The following SV2B variants were observed in gnomAD, a reference collection of about 807,000 sequenced individuals.
SV2B encodes the protein solute carrier family 22 member B2.
A neutral mutation model predicts 73.9 loss-of-function variants in SV2B; 41 were observed. That is an observed-to-expected ratio of 0.56 (90% CI 0.43 to 0.72). The LOEUF is 0.72. Ranked by LOEUF, SV2B falls within the 30% of genes least tolerant of loss-of-function variation. The pLI is 0.00. For missense variants in SV2B, 764 were observed against 857.8 expected, an observed-to-expected ratio of 0.89 and a Z score of 1.37; for synonymous variants, 314 against 314.2, an observed-to-expected ratio of 1.00 and a Z score of 0.01.
chr15:91,295,221 G>C lies in SV2B; in HGVS notation c.*2669G>C, dbSNP rs952757723. On this transcript the variant is annotated 3_prime_UTR_variant, in exon 13 of 13. Transcript: ENST00000394232. ...ATAGTTGCTTTCCATAGTCTCAACT[G>C]TATTGTGTCATCTCCTGATGCTGAT... 2.0e-5 allele frequency: 3 copies of C among 152,198 alleles called. No individual in the cohort carries two copies. The highest frequency in any genetic ancestry group is 2.9e-5 in the Non-Finnish European group (2 of 68,034). The allele number at this position is 152,198 out of a possible 1,614,324, so 9.4% of individuals were successfully genotyped here.
At chr15:91,246,065 CAAAAAA>C (rs5814471) in intron 2 of SV2B, among the ~76,000 whole-genome samples, 1 of 127,706 alleles carries the variant, frequency 7.8e-6, no homozygotes, top group Non-Finnish European at 1.7e-5. Flanking sequence ...TATGAGTTAG[CAAAAAA>C]AAAAAAAAAA....
Position 91,236,290 on chromosome 15 carries a change from A to G in SV2B, c.451+9576A>G, listed in dbSNP as rs2046777812. ...CAATTTGCTAATTATCAGAATAAACATATGTTATTTATTTATTTGTATTGA... is the reference window on the plus strand; with the variant it reads ...CAATTTGCTAATTATCAGAATAAACGTATGTTATTTATTTATTTGTATTGA... On this transcript the variant is annotated intron_variant, in intron 2 of 12. Coordinates refer to ENST00000394232, the MANE Select transcript of SV2B (RefSeq NM_001323032.3). The surrounding 1 kb of genome is among the most constrained non-coding windows in gnomAD (Gnocchi z 4.1). Among the ~76,000 whole-genome samples, 1 of 152,182 alleles carries G rather than the reference A, an allele frequency of 6.6e-6. No homozygotes were observed. The highest frequency in any genetic ancestry group is 1.5e-5 in the Non-Finnish European group (1 of 68,036).
chr15:91,134,842 T>C (rs2141166321), intron 1 of SV2B, among the ~76,000 whole-genome samples: 1 of 152,266 alleles, frequency 6.6e-6, no homozygotes, highest in East Asian at 1.9e-4. Flanking sequence ...TTTCTAGGCT[T>C]CCAGCAGGTG....
rs922096918 is a variant in SV2B, at chr15:91,110,067, T to A, written c.-392+9704T>A. ...GGTGGATAAAAGAGCTGTCCGTCAT[T>A]ACTCACATTACAAATCACGCTCACT... On this transcript the variant is annotated intron_variant, in intron 1 of 12. Coordinates refer to ENST00000394232, the MANE Select transcript of SV2B (RefSeq NM_001323032.3). This position sits in a 1 kb window ranked among gnomAD's most constrained non-coding sequence, Gnocchi z 5.4. Among the ~76,000 whole-genome samples, 4 of 152,172 alleles carry A rather than the reference T, an allele frequency of 2.6e-5. No homozygotes were observed. Among genetic ancestry groups the A allele is most frequent in the Admixed American group, 2.6e-4 (4 of 15,282 alleles).
intron 1 of SV2B, among the ~76,000 whole-genome samples, chr15:91,201,894 C>A (rs1400825083): frequency 1.3e-5 from 2 of 152,148 alleles, no homozygotes; most frequent in Non-Finnish European, 2.9e-5. Context: ...TTGTGCCTAG[C>A]CTCCCACTCC....
At chr15:91,144,168 C>T (rs1036042767) in intron 1 of SV2B, among the ~76,000 whole-genome samples, 1 of 152,204 alleles carries the variant, frequency 6.6e-6, no homozygotes, top group East Asian at 1.9e-4. Flanking sequence ...TGTTTATACA[C>T]CTGCAGGAAC....
rs28499520 is a variant in SV2B, at chr15:91,252,844, C to A, written c.784+324C>A. Among the ~76,000 whole-genome samples the A allele has an allele frequency of 3.5e-3, 537 of 152,166 alleles. No homozygotes were observed. The highest frequency in any genetic ancestry group is 0.012 in the African/African-American group (497 of 41,496). On this transcript the variant is annotated intron_variant, in intron 4 of 12. Coordinates refer to ENST00000394232, the MANE Select transcript of SV2B (RefSeq NM_001323032.3). The surrounding 1 kb of genome is among the most constrained non-coding windows in gnomAD (Gnocchi z 4.6). Reference sequence around the variant, plus strand: ...CTTCATCTCCTCCAGCCCTCCTCCCCCTGAGCAACTTGGGCTTTGGTAACC... The same window carrying A: ...CTTCATCTCCTCCAGCCCTCCTCCCACTGAGCAACTTGGGCTTTGGTAACC...
intron 1 of SV2B, among the ~76,000 whole-genome samples, chr15:91,196,905 A>C (rs1261071579): frequency 6.6e-6 from 1 of 152,222 alleles, no homozygotes; most frequent in Admixed American, 6.5e-5. Context: ...GGTGATAATC[A>C]TGATGGCTGC....
At chr15:91,125,813 A>AAATTAG (rs1241327664) in intron 1 of SV2B, among the ~76,000 whole-genome samples, 5 of 151,300 alleles carry the variant, frequency 3.3e-5, no homozygotes, top group Non-Finnish European at 4.4e-5. Context: ...CAGTCATTTA[A>AAATTAG]AATTAGGGCA....
intron 1 of SV2B, among the ~76,000 whole-genome samples, chr15:91,210,787 C>T (rs890605476): frequency 7.9e-5 from 12 of 152,232 alleles, no homozygotes; most frequent in African/African-American, 2.2e-4. Context: ...AAGGTTCAAA[C>T]GAACCAGAAG....
At chr15:91,175,474 T>G (rs935926086) in intron 1 of SV2B, among the ~76,000 whole-genome samples, 1 of 152,088 alleles carries the variant, frequency 6.6e-6, no homozygotes, top group African/African-American at 2.4e-5. Flanking sequence ...CAGGATGGTC[T>G]CGATCTCCTG....
chr15:91,249,421 T>G (rs553481788), intron 2 of SV2B, among the ~76,000 whole-genome samples: 27 of 152,340 alleles, frequency 1.8e-4, no homozygotes, highest in African/African-American at 5.5e-4. Flanking sequence ...TAGATAATCA[T>G]ACATTTTATT....
chr15:91,188,516 C>T (rs572190236), intron 1 of SV2B, among the ~76,000 whole-genome samples: 25 of 152,024 alleles, frequency 1.6e-4, no homozygotes, highest in African/African-American at 5.5e-4. Context: ...GGGGTTTCAT[C>T]GTGTTGGCCA....
At position 91,240,447 on chromosome 15, in the gene SV2B, C is replaced by T. The variant is rs1003645947; in HGVS notation, c.452-11372C>T. 6.6e-6 allele frequency among the ~76,000 whole-genome samples: 1 copy of T among 152,072 alleles called. No individual in the cohort carries two copies. The highest frequency in any genetic ancestry group is 6.5e-5 in the Admixed American group (1 of 15,272). ...AGCTCCTTAAAAGAGTCAACTTACT[C>T]ACGGGCTTGTTTACTGATGAACAAG... On this transcript the variant is annotated intron_variant, in intron 2 of 12. Transcript: ENST00000394232. This position sits in a 1 kb window ranked among gnomAD's most constrained non-coding sequence, Gnocchi z 4.6.
At chr15:91,119,450 C>A (rs961918092) in intron 1 of SV2B, among the ~76,000 whole-genome samples, 3 of 152,170 alleles carry the variant, frequency 2.0e-5, no homozygotes, top group Non-Finnish European at 2.9e-5. Context: ...GATACAATAC[C>A]CAGAGTGCGA....
chr15:91,222,197 CA>C (rs2046242452), intron 1 of SV2B, among the ~76,000 whole-genome samples: 1 of 152,138 alleles, frequency 6.6e-6, no homozygotes, highest in Non-Finnish European at 1.5e-5. Flanking sequence ...CCTTGGAGAA[CA>C]AATATTTGTG....
intron 1 of SV2B, among the ~76,000 whole-genome samples, chr15:91,112,699 T>C (rs2042070797): frequency 6.6e-6 from 1 of 152,234 alleles, no homozygotes; most frequent in Non-Finnish European, 1.5e-5. Context: ...TTTTCCCGCT[T>C]TCTCTTTTTC....
chr15:91,142,920 T>A (rs1331694344), intron 1 of SV2B, among the ~76,000 whole-genome samples: 1 of 152,240 alleles, frequency 6.6e-6, no homozygotes, highest in African/African-American at 2.4e-5. Flanking sequence ...ACTCTTACAT[T>A]TTTACAGCTT....
rs75621569 is a variant in SV2B, at chr15:91,205,856, C to G, written c.-391-20017C>G. Reference sequence around the variant, plus strand: ...AGAGTTCAGTTAATGTATAAAATCTCAACCCAAAGGTCAGAAAGCAGCAGT... The same window carrying G: ...AGAGTTCAGTTAATGTATAAAATCTGAACCCAAAGGTCAGAAAGCAGCAGT... On this transcript the variant is annotated intron_variant, in intron 1 of 12. Transcript: ENST00000394232. Among the ~76,000 whole-genome samples, 896 of 152,298 alleles carry G rather than the reference C, an allele frequency of 5.9e-3. 9 individuals carry two copies. Among genetic ancestry groups the G allele is most frequent in the African/African-American group, 0.021 (863 of 41,560 alleles).
Sources: allele counts gnomAD v4.1 joint callset (sites outside exome capture counted in the v4.1 genomes callset), GRCh38; gene constraint gnomAD v4.1.1; non-coding constraint Gnocchi (gnomAD v3.1); transcripts MANE v1.5; gene names NCBI Gene and HGNC (gene_info 2026-07-23, HGNC 2026-07-21).